Variants in AHCTF1 observed in about 807,000 individuals in gnomAD.
AHCTF1 encodes protein ELYS.
A neutral mutation model predicts 248.4 loss-of-function variants in AHCTF1; 24 were observed. The observed-to-expected ratio is 0.10, with a 90% CI of 0.07 to 0.14. AHCTF1 has a LOEUF of 0.14. Among genes scored for constraint, AHCTF1 ranks in the 10% least tolerant of loss-of-function variants. The pLI is 1.00. For missense variants in AHCTF1, 2,206 were observed against 2,636.2 expected (o/e 0.84, Z 3.57); for synonymous variants, 786 against 929.8 (o/e 0.85, Z 2.81).
At chr1:246,879,258 T>C (rs770660332) in intron 21 of AHCTF1, among the ~76,000 whole-genome samples, 1 of 152,150 alleles carries the variant, frequency 6.6e-6, no homozygotes, top group African/African-American at 2.4e-5. Flanking sequence ...TTTTTACCCA[T>C]GAGATGAAGA....
In AHCTF1 at chr1:246,888,181, G is replaced by C. The variant is rs1663961930; in HGVS notation, c.2321C>G (p.Ser774Cys). The change falls in exon 19 of 36, where the codon TCT (serine) becomes TGT (cysteine). Residue 774 changes from serine (S) to cysteine (C), a missense_variant. Coordinates refer to ENST00000648844, the MANE Select transcript of AHCTF1 (RefSeq NM_001323342.2). ...GGATAAAACTTAAAAGGATACAATA[G>C]AGTGTTTGGCTGCTTCAGTAACGCC... is the stretch of plus-strand genomic sequence containing the variant. Reference protein sequence around the residue: ...LDGVTEAAKHSITIYLLLDIM... With the variant: ...LDGVTEAAKHCITIYLLLDIM... 1 of 1,613,920 alleles carries C rather than the reference G, an allele frequency of 6.2e-7. No individual in the cohort carries two copies. Among genetic ancestry groups the C allele is most frequent in the African/African-American group, 1.3e-5 (1 of 75,022 alleles).
In AHCTF1 at chr1:246,917,709, T is replaced by G. The variant is rs1481823120; in HGVS notation, c.121+541A>C. On this transcript the variant is annotated intron_variant, in intron 2 of 35. Coordinates refer to ENST00000648844, the MANE Select transcript of AHCTF1 (RefSeq NM_001323342.2). ...CTGCTGGGAAGATGGCTACGAAGCT[T>G]ATATTCAGAAAAGTCTTCTGCAATA... 2.0e-5 allele frequency among the ~76,000 whole-genome samples: 3 copies of G among 152,342 alleles called. 1 individual carries two copies. The South Asian group carries it at 6.2e-4, about 32-fold the overall frequency.
intron 1 of AHCTF1, chr1:246,931,181 G>A: frequency 6.5e-7 from 1 of 1,550,322 alleles, no homozygotes; most frequent in Non-Finnish European, 8.7e-7. Context: ...GACAGGCTCA[G>A]CACGCCGGCC....
chr1:246,902,052 T>A (rs916865443), intron 8 of AHCTF1, among the ~76,000 whole-genome samples: 4 of 152,100 alleles, frequency 2.6e-5, no homozygotes, highest in African/African-American at 9.7e-5. Context: ...GAAACAGAGC[T>A]CTGAAATGTT....
intron 24 of AHCTF1, among the ~76,000 whole-genome samples, chr1:246,868,601 T>TGGTAAGTG (rs1662215452): frequency 1.5e-5 from 2 of 129,974 alleles, no homozygotes; most frequent in South Asian, 4.5e-4. Context: ...GTTGGGCTTT[T>TGGTAAGTG]GGTAAGTGGT....
In AHCTF1 at chr1:246,905,614, C is replaced by T. The variant is rs765373073; in HGVS notation, c.808G>A (p.Val270Ile). The change falls in exon 6 of 36, where the codon GTC (valine) becomes ATC (isoleucine). Residue 270 changes from valine (V) to isoleucine (I), a missense_variant. Physicochemically the swap from Val to Ile is conservative, Grantham distance 29. This residue lies in a region of AHCTF1 where 650 missense variants were observed against 870.8 expected (regional missense o/e 0.75). Coordinates refer to ENST00000648844, the MANE Select transcript of AHCTF1 (RefSeq NM_001323342.2). ...LESGQVPVYA[V>I]TFQEPENDPR... Reference sequence around the variant, plus strand: ...TCATTCTCAGGTTCTTGAAAAGTGACAGCATATACAGGAACTTGTCCACTT... The same window carrying T: ...TCATTCTCAGGTTCTTGAAAAGTGATAGCATATACAGGAACTTGTCCACTT... 6.2e-6 allele frequency: 10 copies of T among 1,612,910 alleles called. No individual in the cohort carries two copies. The highest frequency in any genetic ancestry group is 8.5e-6 in the Non-Finnish European group (10 of 1,179,936).
intron 3 of AHCTF1, among the ~76,000 whole-genome samples, chr1:246,914,904 T>C (rs1283208180): frequency 6.6e-6 from 1 of 152,248 alleles, no homozygotes; most frequent in Non-Finnish European, 1.5e-5. Context: ...CTTCTCCATT[T>C]CTACTGTCAT....
chr1:246,927,773 G>A (rs1381967785), intron 1 of AHCTF1, among the ~76,000 whole-genome samples: 2 of 152,208 alleles, frequency 1.3e-5, no homozygotes, highest in Non-Finnish European at 2.9e-5. Flanking sequence ...GGGAGGCCGA[G>A]GCTGGCGGAT....
chr1:246,914,914 T>C (rs1346037707), intron 3 of AHCTF1, among the ~76,000 whole-genome samples: 1 of 152,234 alleles, frequency 6.6e-6, no homozygotes, highest in Non-Finnish European at 1.5e-5. Flanking sequence ...TCTACTGTCA[T>C]TTCCTTGGTT....
rs1665083459 is a variant in AHCTF1, at chr1:246,902,611, C to T, written c.1031G>A (p.Gly344Glu). ...DLTGGMFPLR[G>E]QTSNTKLLGC... ...CAACAATTTGGTATTACTCGTCTGT[C>T]CCCTCAAAGGGAACATGCCACCTGT... is the stretch of plus-strand genomic sequence containing the variant. Residue 344 changes from glycine (G) to glutamate (E), a missense_variant, in exon 8 of 36, where the codon GGA becomes GAA. Physicochemically the swap from Gly to Glu is moderately conservative, Grantham distance 98 (BLOSUM62 -2). Around this residue, in one of 6 missense-constraint regions of AHCTF1, gnomAD observed 650 missense variants for 870.8 expected, o/e 0.75. Coordinates refer to ENST00000648844, the MANE Select transcript of AHCTF1 (RefSeq NM_001323342.2). The T allele has an allele frequency of 2.5e-6, 4 of 1,612,954 alleles. No individual in the cohort carries two copies. The highest frequency in any genetic ancestry group is 2.5e-6 in the Non-Finnish European group (3 of 1,179,810).
Position 246,918,366 on chromosome 1 carries a change from C to G in AHCTF1, c.5G>C (p.Arg2Pro). 1.2e-6 allele frequency: 2 copies of G among 1,609,856 alleles called. No homozygotes were observed. Among genetic ancestry groups the G allele is most frequent in the Non-Finnish European group, 1.7e-6 (2 of 1,178,128 alleles). Residue 2 changes from arginine (R) to proline (P), a missense_variant, in exon 2 of 36, where the codon CGA (arginine) becomes CCA (proline). Arg to Pro is a moderately radical substitution (Grantham distance 103). Coordinates refer to ENST00000648844, the MANE Select transcript of AHCTF1 (RefSeq NM_001323342.2). M[R>P]DLRAQVTSGL... ...ACTAGTCACTTGAGCTCTTAAGTCT[C>G]GCATACTTCCACTGTAAATATTTTT...
In AHCTF1 at chr1:246,899,550, A is replaced by T. The variant is rs541269835; in HGVS notation, c.1433-38T>A. On this transcript the variant is annotated intron_variant, in intron 10 of 35. Transcript: ENST00000648844. Reference sequence around the variant, plus strand: ...TTTAAAAAATAATCCACTTACATATATTTAAAATGGCATTAATAGAACAAA... The same window carrying T: ...TTTAAAAAATAATCCACTTACATATTTTTAAAATGGCATTAATAGAACAAA... The T allele has an allele frequency of 3.3e-6, 5 of 1,533,918 alleles. No individual in the cohort carries two copies. In the East Asian group the frequency reaches 1.1e-4, roughly 35 times the overall value.
intron 35 of AHCTF1, among the ~76,000 whole-genome samples, chr1:246,842,061 C>T (rs193112182): frequency 4.6e-5 from 7 of 151,038 alleles, no homozygotes; most frequent in East Asian, 2.0e-4. Context: ...CCAAAGTGCT[C>T]GGATTACAGG....
At position 246,913,477 on chromosome 1, in the gene AHCTF1, A is replaced by T. The variant is rs1665944932; in HGVS notation, c.376-65T>A. The T allele has an allele frequency of 2.7e-6, 4 of 1,472,828 alleles. No individual in the cohort carries two copies. The South Asian group carries it at 5.3e-5, about 20-fold the overall frequency. 91.2% of individuals were successfully genotyped at this position (1,472,828 alleles called of 1,614,324 possible). A position where few individuals can be genotyped will look rare whatever the true frequency, so the allele number is the denominator to read the frequency against. ...GTAAGAAAATATAATTAACACAATA[A>T]ATTTAAGTTAAAGCAGGTTATCAGT... On this transcript the variant is annotated intron_variant, in intron 3 of 35. Coordinates refer to ENST00000648844, the MANE Select transcript of AHCTF1 (RefSeq NM_001323342.2).
At chr1:246,887,758 A>T (rs559487889) in intron 19 of AHCTF1, among the ~76,000 whole-genome samples, 1 of 152,348 alleles carries the variant, frequency 6.6e-6, no homozygotes, top group East Asian at 1.9e-4. Flanking sequence ...AACTAACATT[A>T]GCACAAAAAT....
At chr1:246,894,857 A>G (rs755033364) in intron 13 of AHCTF1, 109 bp from the exon 14 acceptor site, 1 of 874,888 alleles carries the variant, frequency 1.1e-6, no homozygotes, top group Non-Finnish European at 1.8e-6. Context: ...AGTGAACATC[A>G]ACACTTCAGG....
chr1:246,867,462 T>C (rs1000620146), intron 25 of AHCTF1, 111 bp from the exon 26 acceptor site: 8 of 992,352 alleles, frequency 8.1e-6, no homozygotes, highest in Middle Eastern at 2.1e-4. Context: ...CAGTTCTGCA[T>C]TGCTTACAAA....
chr1:246,924,726 G>A (rs1279835908), intron 1 of AHCTF1, among the ~76,000 whole-genome samples: 1 of 152,130 alleles, frequency 6.6e-6, no homozygotes, highest in Non-Finnish European at 1.5e-5. Context: ...AAAACTTGAT[G>A]GACTGCCTCA....
intron 33 of AHCTF1, 42 bp from the exon 34 acceptor site, chr1:246,843,970 G>C: frequency 2.4e-6 from 3 of 1,259,528 alleles, no homozygotes; most frequent in African/African-American, 1.6e-5. Context: ...CTTTATATAT[G>C]TGTGTATATA....
Sources: gnomAD v4.1 joint callset for allele counts (sites outside exome capture counted in the v4.1 genomes callset) on GRCh38, gnomAD v4.1.1 for gene constraint, gnomAD v4.1.1 regional missense constraint, MANE v1.5 for transcripts, NCBI Gene and HGNC (gene_info 2026-07-23, HGNC 2026-07-21) for gene names.